The following ACOX3 variants were observed in gnomAD, a reference collection of about 807,000 sequenced individuals.
ACOX3 encodes the protein peroxisomal acyl-coenzyme A oxidase 3.
A neutral mutation model predicts 81.5 loss-of-function variants in ACOX3; 73 were observed. The observed-to-expected ratio is 0.90, with a 90% CI of 0.74 to 1.09. The LOEUF is 1.09. ACOX3 is among the 50% of genes least tolerant of loss of function. ACOX3 has a pLI of 0.00. For synonymous variants in ACOX3, 387 were observed against 375.1 expected (o/e 1.03, Z -0.37); for missense variants, 947 against 928.0 (o/e 1.02, Z -0.27).
intron 11 of ACOX3, 51 bp downstream of exon 11, chr4:8,392,282 A>C: frequency 7.1e-7 from 1 of 1,401,310 alleles, no homozygotes; most frequent in Non-Finnish European, 9.4e-7. Flanking sequence ...GTCTAGAGTC[A>C]AACAGCAGGG....
downstream of ACOX3, among the ~76,000 whole-genome samples, chr4:8,361,418 T>C (rs867366800): frequency 4.2e-4 from 24 of 57,778 alleles, no homozygotes; most frequent in South Asian, 6.8e-3. Flanking sequence ...AGAGGGAGAC[T>C]CTATCTCAAA....
chr4:8,397,186 G>A, intron 8 of ACOX3, 67 bp from the exon 9 acceptor site: 1 of 1,424,860 alleles, frequency 7.0e-7, no homozygotes, highest in Non-Finnish European at 9.3e-7. Context: ...GAGTGGCTCA[G>A]AGGCGAAGGT....
rs1016484302 is a variant in ACOX3 at position 8,414,145 on chromosome 4, T to A, written c.543+147A>T. ...TCCTGGGCCCCACTTTTCAGTGTGATGAATCTCAGTGGGTATTTCTACACA... is the reference window on the plus strand; with the variant it reads ...TCCTGGGCCCCACTTTTCAGTGTGAAGAATCTCAGTGGGTATTTCTACACA... On this transcript the variant is annotated intron_variant, in intron 5 of 17. Transcript: ENST00000356406. This position sits in a 1 kb window ranked among gnomAD's most constrained non-coding sequence, Gnocchi z 6.1. The A allele has an allele frequency of 1.5e-6, 1 of 687,772 alleles. No individual in the cohort carries two copies. Among genetic ancestry groups the A allele is most frequent in the African/African-American group, 1.8e-5 (1 of 55,652 alleles). The allele number at this position is 687,772 out of a possible 1,614,324, so 42.6% of individuals were successfully genotyped here. A position where few individuals can be genotyped will look rare whatever the true frequency, so the allele number is the denominator to read the frequency against.
rs1722146124 is a variant in ACOX3, at chr4:8,414,839, T to A, written c.453+15A>T. 6.2e-7 allele frequency: 1 copy of A among 1,612,142 alleles called. No homozygotes were observed. The highest frequency in any genetic ancestry group is 8.5e-7 in the Non-Finnish European group (1 of 1,178,110). ...AGAGAACCAGGCTCACAATTTACCA[T>A]GAACCAGAACTTACCTCCATCCTGA... On this transcript the variant is annotated intron_variant, in intron 4 of 17. Transcript: ENST00000356406. The surrounding 1 kb of genome is among the most constrained non-coding windows in gnomAD (Gnocchi z 6.1).
intron 14 of ACOX3, among the ~76,000 whole-genome samples, chr4:8,377,434 G>C (rs1271603892): frequency 1.3e-5 from 2 of 151,978 alleles, no homozygotes; most frequent in Non-Finnish European, 1.5e-5. Flanking sequence ...GCGAGTGCCA[G>C]TGAGTTTTGA....
At position 8,375,148 on chromosome 4, in the gene ACOX3, G is replaced by A. The variant is rs902570784; in HGVS notation, c.1658C>T (p.Ser553Phe). Residue 553 changes from serine to phenylalanine, a missense_variant, in exon 15 of 18, where the codon TCC (serine) becomes TTC (phenylalanine). By Grantham distance (155) the Ser-to-Phe change is radical. Transcript: ENST00000356406. ...DFEARNKCQV[S>F]HGRPLALAFV... The stretch of plus-strand genomic sequence containing the variant: ...GGCCAGCGCCAACGGACGGCCGTGG[G>A]ACACCTGGAACACAGGACGGCACCG... The A allele has an allele frequency of 3.2e-6, 5 of 1,543,784 alleles. No individual in the cohort carries two copies. The highest frequency in any genetic ancestry group is 4.4e-6 in the Non-Finnish European group (5 of 1,141,804).
intron 7 of ACOX3, among the ~76,000 whole-genome samples, chr4:8,404,102 C>T (rs941086258): frequency 1.3e-5 from 2 of 152,238 alleles, no homozygotes; most frequent in Admixed American, 6.5e-5. Flanking sequence ...AGCTTCTCAC[C>T]CTGAGGCCAG....
In ACOX3 at chr4:8,416,949, G is replaced by A. The variant is rs912595063; in HGVS notation, c.-14-414C>T. Reference sequence around the variant, plus strand: ...AAGCATTCCCTCTGGAATCCAGCCAGTGCCAGCTGGTCCACTCTGGCCACA... The same window carrying A: ...AAGCATTCCCTCTGGAATCCAGCCAATGCCAGCTGGTCCACTCTGGCCACA... On this transcript the variant is annotated intron_variant, in intron 1 of 17. Transcript: ENST00000356406. This position sits in a 1 kb window ranked among gnomAD's most constrained non-coding sequence, Gnocchi z 4.2. Among the ~76,000 whole-genome samples, 2 of 152,354 alleles carry A rather than the reference G, an allele frequency of 1.3e-5. No individual in the cohort carries two copies. Among genetic ancestry groups the A allele is most frequent in the South Asian group, 4.1e-4 (2 of 4,834 alleles).
At chr4:8,364,032 C>T (rs1330110103), downstream of ACOX3, among the ~76,000 whole-genome samples, 3 of 152,152 alleles carry the variant, frequency 2.0e-5, no homozygotes, top group Admixed American at 2.0e-4. The surrounding 1 kb of genome is among the most constrained non-coding windows in gnomAD (Gnocchi z 5.0). Context: ...CTTGCTTTCA[C>T]TTTACTCTAT....
At chr4:8,355,758 T>G in the ACOX3 span, 2 of 152,248 alleles carry the variant, frequency 1.3e-5, no homozygotes, top group Non-Finnish European at 2.9e-5. Flanking sequence ...AAATGATGCA[T>G]GAGGAATAAT....
intron 1 of ACOX3, among the ~76,000 whole-genome samples, chr4:8,429,927 A>G (rs1471800123): frequency 6.6e-6 from 1 of 152,124 alleles, no homozygotes; most frequent in East Asian, 1.9e-4. Flanking sequence ...AAAAAAGTGA[A>G]AAAAGCACAA....
chr4:8,360,337 T>A, the ACOX3 span, among the ~76,000 whole-genome samples: 1 of 152,224 alleles, frequency 6.6e-6, no homozygotes, highest in Non-Finnish European at 1.5e-5. Context: ...ACTGAAGTAA[T>A]CTTTGGGAAA....
chr4:8,367,991 C>T (rs1021758059), intron 17 of ACOX3, among the ~76,000 whole-genome samples: 1 of 119,098 alleles, frequency 8.4e-6, no homozygotes, highest in Admixed American at 8.6e-5. Context: ...GATCCTATCT[C>T]AAAAAAAAAA....
rs917632945 is a variant in ACOX3, at chr4:8,382,217, G to A, written c.1538-610C>T. Among the ~76,000 whole-genome samples, 3 of 152,196 alleles carry A rather than the reference G, an allele frequency of 2.0e-5. No individual in the cohort carries two copies. The highest frequency in any genetic ancestry group is 4.4e-5 in the Non-Finnish European group (3 of 68,024). ...AGGAGGGAGCAGATGTTGCAGACAGGGAGGCCCCGGGGTGGGGTGTCAGGC... is the reference window on the plus strand; with the variant it reads ...AGGAGGGAGCAGATGTTGCAGACAGAGAGGCCCCGGGGTGGGGTGTCAGGC... On this transcript the variant is annotated intron_variant, in intron 13 of 17. Coordinates refer to ENST00000356406, the MANE Select transcript of ACOX3 (RefSeq NM_003501.3). The surrounding 1 kb of genome is among the most constrained non-coding windows in gnomAD (Gnocchi z 4.1).
chr4:8,408,891 T>TGGGGGGGG (rs200811549), intron 6 of ACOX3, among the ~76,000 whole-genome samples: 90 of 25,780 alleles, frequency 3.5e-3, no homozygotes, highest in Non-Finnish European at 4.2e-3. Context: ...GAGCCCTCAC[T>TGGGGGGGG]GGGGGGGGGG....
Position 8,384,671 on chromosome 4 carries a change from C to T in ACOX3, c.1538-3064G>A, listed in dbSNP as rs376806046. Among the ~76,000 whole-genome samples, 151 of 152,302 alleles carry T rather than the reference C, an allele frequency of 9.9e-4. No homozygotes were observed. The highest frequency in any genetic ancestry group is 6.8e-3 in the Middle Eastern group (2 of 294). Reference sequence around the variant, plus strand: ...GTCCTTGACCCCATGGTGAGCTCTTCGCATGCACTGCCTGCCTTTCGGGTC... The same window carrying T: ...GTCCTTGACCCCATGGTGAGCTCTTTGCATGCACTGCCTGCCTTTCGGGTC... On this transcript the variant is annotated intron_variant, in intron 13 of 17. Transcript: ENST00000356406. This position sits in a 1 kb window ranked among gnomAD's most constrained non-coding sequence, Gnocchi z 5.3.
In ACOX3 at chr4:8,434,174, C is replaced by T. The variant is rs575976309; in HGVS notation, c.-15+6474G>A. On this transcript the variant is annotated intron_variant, in intron 1 of 17. Transcript: ENST00000356406. ...GTTCTGTTAGCTGATCCATGTAGCC[C>T]CCAGTCACGTTTCCCACACTTGCTC... Among the ~76,000 whole-genome samples the T allele has an allele frequency of 2.6e-5, 4 of 152,288 alleles. 1 individual carries two copies. Among genetic ancestry groups the T allele is most frequent in the African/African-American group, 4.8e-5 (2 of 41,554 alleles).
chr4:8,375,561 C>T (rs1349865105), intron 14 of ACOX3, among the ~76,000 whole-genome samples: 1 of 152,192 alleles, frequency 6.6e-6, no homozygotes, highest in African/African-American at 2.4e-5. Flanking sequence ...CACAGAGGAG[C>T]TGGAGAAGGG....
intron 1 of ACOX3, among the ~76,000 whole-genome samples, chr4:8,422,273 GA>G (rs569759890): frequency 1.3e-5 from 2 of 151,766 alleles, no homozygotes; most frequent in African/African-American, 4.8e-5. Context: ...AAGTAGTTAA[GA>G]AAAAAACAGT....
Sources: gnomAD v4.1 joint callset for allele counts (sites outside exome capture counted in the v4.1 genomes callset) on GRCh38, gnomAD v4.1.1 for gene constraint, Gnocchi (gnomAD v3.1) non-coding constraint, MANE v1.5 for transcripts, NCBI Gene and HGNC (gene_info 2026-07-23, HGNC 2026-07-21) for gene names.